The following WFDC2 variants were observed in gnomAD, a reference collection of about 807,000 sequenced individuals.
WFDC2 encodes the protein WAP four-disulfide core domain protein 2.
WFDC2 carries 8 observed loss-of-function variants against 12.5 expected under a neutral mutation model. The ratio of observed to expected loss-of-function variants is 0.64; its 90% confidence interval spans 0.37 to 1.15. WFDC2 has a LOEUF of 1.15. WFDC2 is among the 50% of genes most tolerant of loss of function. The pLI, the probability that WFDC2 is intolerant of heterozygous loss-of-function variation, is 0.01. For missense variants in WFDC2, 166 were observed against 159.9 expected, an observed-to-expected ratio of 1.04 and a Z score of -0.21; for synonymous variants, 74 against 67.2, an observed-to-expected ratio of 1.10 and a Z score of -0.49.
chr20:45,478,564 A>G (rs1348804825), intron 2 of WFDC2, among the ~76,000 whole-genome samples: 2 of 152,116 alleles, frequency 1.3e-5, no homozygotes, highest in African/African-American at 4.8e-5. Context: ...TGCCTTCTGC[A>G]TTGATTCACT....
intron 2 of WFDC2, 187 bp from the exon 3 acceptor site, chr20:45,479,755 A>C (rs765147066): frequency 4.0e-5 from 64 of 1,613,860 alleles, no homozygotes; most frequent in Non-Finnish European, 5.3e-5. Context: ...TGGGAGCAGG[A>C]GGAGGGATTT....
At chr20:45,477,320 C>G (rs1568971157) in intron 2 of WFDC2, among the ~76,000 whole-genome samples, 2 of 152,110 alleles carry the variant, frequency 1.3e-5, no homozygotes, top group Non-Finnish European at 2.9e-5. Flanking sequence ...ATTTATCTAC[C>G]TTTGGTCTTT....
chr20:45,471,763 G>C (rs944786603), intron 2 of WFDC2, among the ~76,000 whole-genome samples: 2 of 152,192 alleles, frequency 1.3e-5, no homozygotes, highest in African/African-American at 4.8e-5. Flanking sequence ...GACAGACTGA[G>C]GCAGGAAGAG....
At position 45,480,028 on chromosome 20, in the gene WFDC2, C is replaced by G; in HGVS notation, c.310C>G (p.Pro104Ala). 1 of 1,614,206 alleles carries G rather than the reference C, an allele frequency of 6.2e-7. No individual in the cohort carries two copies. The highest frequency in any genetic ancestry group is 8.5e-7 in the Non-Finnish European group (1 of 1,180,034). The change falls in exon 3 of 4, where the codon CCT becomes GCT. Residue 104 changes from proline to alanine, a missense_variant. By Grantham distance (27) the Pro-to-Ala change is conservative. Coordinates refer to ENST00000372676, the MANE Select transcript of WFDC2 (RefSeq NM_006103.4). ...RDQCQVDSQC[P>A]GQMKCCRNGC... is the part of the protein sequence containing the mutation. Reference sequence around the variant, plus strand: ...CCAGTGCCAGGTGGACAGCCAGTGTCCTGGCCAGATGAAATGCTGCCGCAA... The same window carrying G: ...CCAGTGCCAGGTGGACAGCCAGTGTGCTGGCCAGATGAAATGCTGCCGCAA...
chr20:45,472,553 A>G, intron 2 of WFDC2, among the ~76,000 whole-genome samples: 1 of 151,104 alleles, frequency 6.6e-6, no homozygotes, highest in Non-Finnish European at 1.5e-5. Flanking sequence ...AGTCTTTGCT[A>G]TTGTGAACAG....
intron 2 of WFDC2, 45 bp from the exon 3 acceptor site, chr20:45,479,897 C>T (rs766115896): frequency 6.2e-7 from 1 of 1,614,114 alleles, no homozygotes; most frequent in South Asian, 1.1e-5. Flanking sequence ...GTTAATCTCC[C>T]TGTATCGCCT....
intron 2 of WFDC2, chr20:45,471,226 G>A (rs1429156267): frequency 1.9e-5 from 9 of 467,776 alleles, no homozygotes; most frequent in Non-Finnish European, 3.1e-5. Flanking sequence ...TCGTCTTTCA[G>A]TCAATCTCTT....
In WFDC2 at chr20:45,470,869, C is replaced by T. The variant is rs1057038866; in HGVS notation, c.223+337C>T. Among the ~76,000 whole-genome samples the T allele has an allele frequency of 2.0e-5, 3 of 152,180 alleles. No homozygotes were observed. The highest frequency in any genetic ancestry group is 7.2e-5 in the African/African-American group (3 of 41,446). On this transcript the variant is annotated intron_variant, in intron 2 of 3. Transcript: ENST00000372676. This position sits in a 1 kb window ranked among gnomAD's most constrained non-coding sequence, Gnocchi z 5.4. ...CCTTCTCGAACCGGCCGAAGCCTGC[C>T]CTGCGGGAAAGCCCGGAGCCTGGGG...
rs774129788 is a variant in WFDC2, at chr20:45,469,816, CCCT to C, written c.43_45del (p.Leu15del). On this transcript the variant is annotated inframe_deletion, in exon 1 of 4. Transcript: ENST00000372676. Reference sequence around the variant, plus strand: ...TGTCGCCTAGGCCCGCTAGCCGCCGCCCTCCTCCTCAGCCTGCTGCTGTTCGGC... The same window carrying C: ...TGTCGCCTAGGCCCGCTAGCCGCCGCCCTCCTCAGCCTGCTGCTGTTCGGC... 2 of 1,610,964 alleles carry C rather than the reference CCCT, an allele frequency of 1.2e-6. No homozygotes were observed. The highest frequency in any genetic ancestry group is 1.7e-6 in the Non-Finnish European group (2 of 1,179,000).
chr20:45,471,757 G>T (rs545387618), intron 2 of WFDC2, among the ~76,000 whole-genome samples: 1 of 152,216 alleles, frequency 6.6e-6, no homozygotes, highest in Non-Finnish European at 1.5e-5. Flanking sequence ...CAGATGGACA[G>T]ACTGAGGCAG....
intron 2 of WFDC2, among the ~76,000 whole-genome samples, chr20:45,476,077 T>C (rs560428149): frequency 6.6e-6 from 1 of 152,340 alleles, no homozygotes; most frequent in African/African-American, 2.4e-5. Flanking sequence ...TCTTTGCACT[T>C]GAGATGGGTC....
In WFDC2 at chr20:45,470,238, G is replaced by C. The variant is rs1991149580; in HGVS notation, c.80-151G>C. 1 of 1,165,150 alleles carries C rather than the reference G, an allele frequency of 8.6e-7. No individual in the cohort carries two copies. 72.2% of individuals were successfully genotyped at this position (1,165,150 alleles called of 1,614,324 possible). ...TACTCCCAGGGGTCAGGGACTCCTG[G>C]TCTGGAAGAAGGAGTCTCTGGGGGC... On this transcript the variant is annotated intron_variant, in intron 1 of 3. Transcript: ENST00000372676. The surrounding 1 kb of genome is among the most constrained non-coding windows in gnomAD (Gnocchi z 5.4).
chr20:45,476,499 C>T (rs892946006), intron 2 of WFDC2, among the ~76,000 whole-genome samples: 7 of 152,122 alleles, frequency 4.6e-5, no homozygotes, highest in African/African-American at 1.7e-4. Context: ...AATATTGGCC[C>T]CCACTGTCTT....
At position 45,477,224 on chromosome 20, in the gene WFDC2, C is replaced by T. The variant is rs140031380; in HGVS notation, c.224-2718C>T. 7.1e-3 allele frequency among the ~76,000 whole-genome samples: 1,080 copies of T among 152,118 alleles called. 16 individuals carry two copies. Among genetic ancestry groups the T allele is most frequent in the African/African-American group, 0.022 (908 of 41,488 alleles). ...CCGTCCAGTTTTGTTCCCTTGCTGG[C>T]GAGGAATTGTGATCCTTTGGAGAAG... On this transcript the variant is annotated intron_variant, in intron 2 of 3. Transcript: ENST00000372676.
chr20:45,469,989 C>G, intron 1 of WFDC2, 129 bp downstream of exon 1: 1 of 1,188,488 alleles, frequency 8.4e-7, no homozygotes, highest in Non-Finnish European at 1.2e-6. Context: ...TGGCGGGGAC[C>G]CTTGGAGCCT....
chr20:45,469,840 T>C lies in WFDC2; in HGVS notation c.59T>C (p.Phe20Ser). The change falls in exon 1 of 4, where the codon TTC becomes TCC. Residue 20 changes from phenylalanine (F) to serine (S), a missense_variant. Coordinates refer to ENST00000372676, the MANE Select transcript of WFDC2 (RefSeq NM_006103.4). ...AAALLLSLLLFGFTLVSGTGA... is the reference protein window; with the variant it reads ...AAALLLSLLLSGFTLVSGTGA... ...GCCCTCCTCCTCAGCCTGCTGCTGT[T>C]CGGCTTCACCCTAGTCTCAGGTGAG... The C allele has an allele frequency of 6.2e-7, 1 of 1,610,820 alleles. No homozygotes were observed. Among genetic ancestry groups the C allele is most frequent in the Non-Finnish European group, 8.5e-7 (1 of 1,178,880 alleles).
At position 45,469,793 on chromosome 20, in the gene WFDC2, T is replaced by C. The variant is rs766777303; in HGVS notation, c.12T>C (p.Cys4=). ...CCGGGCATAGCACCATGCCTGCTTGTCGCCTAGGCCCGCTAGCCGCCGCCC... is the reference window on the plus strand; with the variant it reads ...CCGGGCATAGCACCATGCCTGCTTGCCGCCTAGGCCCGCTAGCCGCCGCCC... MPA[C]RLGPLAAALL... is the part of the protein sequence containing the mutation. The change falls in exon 1 of 4, where the codon TGT becomes TGC. Residue 4 remains cysteine, a synonymous_variant. Transcript: ENST00000372676. The C allele has an allele frequency of 4.3e-5, 70 of 1,609,344 alleles. No individual in the cohort carries two copies. In the South Asian group the frequency reaches 7.1e-4, roughly 16 times the overall value.
chr20:45,469,758 T>A lies in WFDC2; in HGVS notation c.-24T>A. ...CCGCACCTGAGCATCGGCTCACACC[T>A]GCACCCCGCCCGGGCATAGCACCAT... On this transcript the variant is annotated 5_prime_UTR_variant, in exon 1 of 4. Coordinates refer to ENST00000372676, the MANE Select transcript of WFDC2 (RefSeq NM_006103.4). 1 of 1,385,526 alleles carries A rather than the reference T, an allele frequency of 7.2e-7. No homozygotes were observed. Among genetic ancestry groups the A allele is most frequent in the Non-Finnish European group, 9.6e-7 (1 of 1,038,866 alleles). The allele number at this position is 1,385,526 out of a possible 1,614,324, so 85.8% of individuals were successfully genotyped here. A position where few individuals can be genotyped will look rare whatever the true frequency, so the allele number is the denominator to read the frequency against.
chr20:45,471,060 A>G (rs1991165738), intron 2 of WFDC2: 1 of 462,218 alleles, frequency 2.2e-6, no homozygotes, highest in Admixed American at 2.4e-5. Flanking sequence ...TGTGTAAGGG[A>G]GCATCGGTGA....
Sources: gnomAD v4.1 joint callset for allele counts (sites outside exome capture counted in the v4.1 genomes callset) on GRCh38, gnomAD v4.1.1 for gene constraint, Gnocchi (gnomAD v3.1) non-coding constraint, MANE v1.5 for transcripts, NCBI Gene and HGNC (gene_info 2026-07-23, HGNC 2026-07-21) for gene names.